The following NBEA variants were observed in gnomAD, a reference collection of about 807,000 sequenced individuals.
The protein encoded by NBEA is neurobeachin.
A neutral mutation model predicts 343.4 loss-of-function variants in NBEA; 44 were observed. That is an observed-to-expected ratio of 0.13 (90% CI 0.10 to 0.16). NBEA has a LOEUF of 0.16. Among genes scored for constraint, NBEA ranks in the 10% least tolerant of loss-of-function variants. The pLI is 1.00. For synonymous variants in NBEA, 1,175 were observed against 1,238.7 expected, an observed-to-expected ratio of 0.95 and a Z score of 1.08; for missense variants, 2,555 against 3,631.3, an observed-to-expected ratio of 0.70 and a Z score of 7.62.
intron 1 of NBEA, among the ~76,000 whole-genome samples, chr13:35,039,041 A>T (rs2062552735): frequency 6.6e-6 from 1 of 152,050 alleles, no homozygotes; most frequent in Non-Finnish European, 1.5e-5. Context: ...TCAGGTTTGG[A>T]CTGCTGGTAT....
chr13:35,313,145 G>T (rs1449302550), intron 36 of NBEA, among the ~76,000 whole-genome samples: 1 of 152,130 alleles, frequency 6.6e-6, no homozygotes, highest in Admixed American at 6.5e-5. Context: ...GACACGACTG[G>T]TTGTTTCTCG....
intron 34 of NBEA, among the ~76,000 whole-genome samples, chr13:35,249,151 C>CAAA (rs1179922550): frequency 3.8e-4 from 19 of 49,616 alleles, no homozygotes; most frequent in South Asian, 7.7e-4. Flanking sequence ...CTCCATCTTA[C>CAAA]AAAAAAAAAA....
chr13:35,178,962 C>T (rs1206727564), intron 28 of NBEA, among the ~76,000 whole-genome samples: 3 of 151,216 alleles, frequency 2.0e-5, no homozygotes, highest in South Asian at 4.2e-4. Flanking sequence ...CACAGTCAGA[C>T]GTAATATATA....
At chr13:35,479,985 T>A (rs2076054824) in intron 41 of NBEA, among the ~76,000 whole-genome samples, 1 of 150,400 alleles carries the variant, frequency 6.6e-6, no homozygotes, top group African/African-American at 2.4e-5. Context: ...TTTAGAATTT[T>A]AATGCCTAAC....
chr13:34,956,378 C>A (rs935019841), intron 1 of NBEA, among the ~76,000 whole-genome samples: 2 of 146,164 alleles, frequency 1.4e-5, no homozygotes, highest in Non-Finnish European at 1.5e-5. Flanking sequence ...TTTTGAAAGT[C>A]AGTGAAAGTT....
chr13:35,379,823 G>A (rs543748485), intron 38 of NBEA, among the ~76,000 whole-genome samples: 3 of 151,722 alleles, frequency 2.0e-5, no homozygotes, highest in Admixed American at 6.6e-5. Context: ...AGTTCTTTTG[G>A]TCAGTTTGTC....
chr13:35,463,543 T>C (rs1351818885), intron 40 of NBEA, among the ~76,000 whole-genome samples: 1 of 151,978 alleles, frequency 6.6e-6, no homozygotes, highest in Non-Finnish European at 1.5e-5. Context: ...GAGGATCCCT[T>C]GAGACTGGGA....
chr13:35,616,517 A>T (rs917282008), intron 48 of NBEA, among the ~76,000 whole-genome samples: 2 of 152,204 alleles, frequency 1.3e-5, no homozygotes, highest in African/African-American at 4.8e-5. Flanking sequence ...TTTCTTTTAA[A>T]AAGTCTCTTT....
chr13:35,042,273 G>A (rs2062681693), intron 2 of NBEA, among the ~76,000 whole-genome samples: 1 of 151,794 alleles, frequency 6.6e-6, no homozygotes, highest in Admixed American at 6.6e-5. Context: ...AGCAGTCCCT[G>A]TATTGGGTAC....
rs1161330353 is a variant in NBEA, at chr13:35,131,733, TGCATATGCA to T, written c.2336+8164_2336+8172del. Among the ~76,000 whole-genome samples the T allele has an allele frequency of 6.6e-5, 10 of 152,300 alleles. No individual in the cohort carries two copies. The South Asian group carries it at 2.1e-3, about 32-fold the overall frequency. ...TAAAGCTAGCAAAATTGTTTTCAAG[TGCATATGCA>T]GCATTCTCCAAAAGGTATTATGAGT... On this transcript the variant is annotated intron_variant, in intron 17 of 58. Coordinates refer to ENST00000379939, the MANE Select transcript of NBEA (RefSeq NM_001385012.1).
chr13:35,103,493 G>A (rs2065757260), intron 11 of NBEA, among the ~76,000 whole-genome samples: 1 of 150,646 alleles, frequency 6.6e-6, no homozygotes, highest in Admixed American at 6.6e-5. Context: ...CTGTCCCAGT[G>A]ATTAATCCTG....
intron 10 of NBEA, among the ~76,000 whole-genome samples, chr13:35,071,513 T>C (rs1267357796): frequency 2.0e-5 from 3 of 152,056 alleles, no homozygotes; most frequent in Non-Finnish European, 2.9e-5. Context: ...CTTAGAATTA[T>C]ACATACAAGA....
chr13:35,452,227 A>G lies in NBEA; in HGVS notation c.6440A>G (p.Asn2147Ser). 1.3e-6 allele frequency: 2 copies of G among 1,568,482 alleles called. No individual in the cohort carries two copies. Among genetic ancestry groups the G allele is most frequent in the Non-Finnish European group, 8.6e-7 (1 of 1,157,362 alleles). The stretch of plus-strand genomic sequence containing the variant: ...CTGCTACAGGAGAAAGAAATTGACA[A>G]CCTTGCAGGTAAATTTTAAAATATA... Reference protein sequence around the residue: ...VSLLQEKEIDNLAGPVVLSTP... With the variant: ...VSLLQEKEIDSLAGPVVLSTP... The change falls in exon 40 of 59, where the codon AAC becomes AGC. Residue 2147 changes from asparagine (N) to serine (S), a missense_variant. By Grantham distance (46) the Asn-to-Ser change is conservative (BLOSUM62 1). Around this residue, in one of 21 missense-constraint regions of NBEA, gnomAD observed 246 missense variants for 313.7 expected, o/e 0.78. Coordinates refer to ENST00000379939, the MANE Select transcript of NBEA (RefSeq NM_001385012.1).
At chr13:35,322,265 A>T (rs948101694) in intron 36 of NBEA, among the ~76,000 whole-genome samples, 1 of 152,162 alleles carries the variant, frequency 6.6e-6, no homozygotes, top group African/African-American at 2.4e-5. Flanking sequence ...GTGGGTTGCA[A>T]ACACTGTGGG....
chr13:34,964,449 T>C (rs925011862), intron 1 of NBEA, among the ~76,000 whole-genome samples: 2 of 152,198 alleles, frequency 1.3e-5, no homozygotes, highest in East Asian at 1.9e-4. Flanking sequence ...CTACACTCTT[T>C]AGTCATAATA....
chr13:35,282,588 G>A (rs940418915), intron 34 of NBEA, among the ~76,000 whole-genome samples: 1 of 152,096 alleles, frequency 6.6e-6, no homozygotes, highest in Non-Finnish European at 1.5e-5. Context: ...ATTTATGATA[G>A]CGAAAATGTC....
At chr13:35,390,720 A>T in intron 38 of NBEA, among the ~76,000 whole-genome samples, 1 of 152,200 alleles carries the variant, frequency 6.6e-6, no homozygotes, top group East Asian at 1.9e-4. Context: ...TGAGCATAAT[A>T]GGTCTTCAAG....
chr13:35,237,767 G>A (rs1593877806), intron 34 of NBEA, among the ~76,000 whole-genome samples: 1 of 152,116 alleles, frequency 6.6e-6, no homozygotes, highest in East Asian at 1.9e-4. Flanking sequence ...TATTTGAATT[G>A]CCTCTTTATT....
intron 1 of NBEA, among the ~76,000 whole-genome samples, chr13:35,019,873 T>A (rs1240981260): frequency 6.6e-6 from 1 of 152,196 alleles, no homozygotes; most frequent in Non-Finnish European, 1.5e-5. Context: ...TTAGTGGTAA[T>A]TTATATTGGT....
Sources: gnomAD v4.1 joint callset for allele counts (sites outside exome capture counted in the v4.1 genomes callset) on GRCh38, gnomAD v4.1.1 for gene constraint, gnomAD v4.1.1 regional missense constraint, MANE v1.5 for transcripts, NCBI Gene and HGNC (gene_info 2026-07-23, HGNC 2026-07-21) for gene names.